FGD4: variants seen among roughly 807,000 people sequenced by gnomAD.
The protein encoded by FGD4 is FYVE, RhoGEF and PH domain-containing protein 4.
In FGD4, 42 loss-of-function variants were observed where a neutral mutation model predicts 102.0. The observed-to-expected ratio is 0.41, with a 90% confidence interval of 0.32 to 0.53. The LOEUF (loss-of-function observed/expected upper bound fraction) is 0.53, where lower values mean the gene tolerates loss of function less well. FGD4 is among the 20% of genes least tolerant of loss of function. FGD4 has a pLI of 0.21. For synonymous variants in FGD4, 380 were observed against 375.7 expected (o/e 1.01, Z -0.13); for missense variants, 902 against 1,078.2 (o/e 0.84, Z 2.29).
chr12:32,564,154 A>G lies in FGD4; in HGVS notation c.184A>G (p.Lys62Glu). The G allele has an allele frequency of 6.5e-7, 1 of 1,536,058 alleles. No homozygotes were observed. The highest frequency in any genetic ancestry group is 8.7e-7 in the Non-Finnish European group (1 of 1,146,860). The change falls in exon 2 of 17, where the codon AAG (lysine) becomes GAG (glutamate). Residue 62 changes from lysine to glutamate, a missense_variant. Around this residue, in one of 2 missense-constraint regions of FGD4, gnomAD observed 443 missense variants for 459.2 expected, o/e 0.96. Coordinates refer to ENST00000534526, the MANE Select transcript of FGD4 (RefSeq NM_001370298.3). ...SGATGSSTCP[K>E]IALVPPCSTS... ...TCTTGCAGGCAGCAGTACCTGTCCA[A>G]AGATCGCTTTAGTTCCACCTTGCTC...
In FGD4 at chr12:32,453,206, A is replaced by ATATATTT. The variant is rs1365632978; in HGVS notation, c.166+53252_166+53253insTTTATAT. On this transcript the variant is annotated intron_variant, in intron 1 of 16. Coordinates refer to ENST00000534526, the MANE Select transcript of FGD4 (RefSeq NM_001370298.3). ...TATATATTTTATATATATATTATAT[A>ATATATTT]TATATATATATATAATATAGATATA... is the stretch of plus-strand genomic sequence containing the variant. 4.4e-4 allele frequency among the ~76,000 whole-genome samples: 22 copies of ATATATTT among 50,568 alleles called. No individual in the cohort carries two copies. The South Asian group carries it at 0.013, about 30-fold the overall frequency. The allele number at this position is 50,568 out of a possible 152,430, so 33.2% of individuals were successfully genotyped here. A position where few individuals can be genotyped will look rare whatever the true frequency, so the allele number is the denominator to read the frequency against.
At chr12:32,422,287 G>GCTTTTTTTTTTTTTTTTTTTTTT (rs1941661303) in intron 1 of FGD4, among the ~76,000 whole-genome samples, 1 of 91,678 alleles carries the variant, frequency 1.1e-5, no homozygotes, top group Non-Finnish European at 2.3e-5. Flanking sequence ...ATTGGGAGCT[G>GCTTTTTTTTTTTTTTTTTTTTTT]CTTTTTTTTT....
At chr12:32,517,244 G>A (rs1005987270) in intron 1 of FGD4, among the ~76,000 whole-genome samples, 1 of 152,104 alleles carries the variant, frequency 6.6e-6, no homozygotes, top group African/African-American at 2.4e-5. Context: ...TTGCCCAGGC[G>A]TCACAGGTGG....
rs1164417263 is a variant in FGD4 at position 32,456,427 on chromosome 12, A to G, written c.166+56468A>G. 3.3e-5 allele frequency among the ~76,000 whole-genome samples: 5 copies of G among 152,214 alleles called. No individual in the cohort carries two copies. In the South Asian group the frequency reaches 8.3e-4, roughly 25 times the overall value. ...TTTTCATAGCACCTGAGTAATTTCT[A>G]TTTAGTGGCTCACATGAGACTACTG... On this transcript the variant is annotated intron_variant, in intron 1 of 16. Transcript: ENST00000534526.
chr12:32,455,046 C>G (rs751508829), intron 1 of FGD4, among the ~76,000 whole-genome samples: 8 of 152,136 alleles, frequency 5.3e-5, no homozygotes, highest in Non-Finnish European at 5.9e-5. Flanking sequence ...TTGAGACTTG[C>G]AACTTGCCAG....
chr12:32,601,018 C>G (rs1206342334), intron 5 of FGD4, among the ~76,000 whole-genome samples: 1 of 152,158 alleles, frequency 6.6e-6, no homozygotes, highest in African/African-American at 2.4e-5. Context: ...TTTTCTGGCA[C>G]AGAAAAGGTG....
intron 1 of FGD4, among the ~76,000 whole-genome samples, chr12:32,485,473 C>T (rs1306987736): frequency 2.8e-5 from 4 of 143,710 alleles, no homozygotes; most frequent in Non-Finnish European, 6.0e-5. Flanking sequence ...CAGAGACTCG[C>T]CCTGTTGCCC....
chr12:32,600,586 TTCTTTC>T (rs1389729343), intron 5 of FGD4: 11 of 376,342 alleles, frequency 2.9e-5, no homozygotes, highest in Non-Finnish European at 3.0e-5. Flanking sequence ...CTTTCTTTCT[TTCTTTC>T]TTTTTTTTTT....
chr12:32,481,253 ATGGTGAAACCCCGTCTC>A (rs1244583575), intron 1 of FGD4, among the ~76,000 whole-genome samples: 1 of 151,416 alleles, frequency 6.6e-6, no homozygotes, highest in Admixed American at 6.6e-5. Flanking sequence ...CCTGGTTAAC[ATGGTGAAACCCCGTCTC>A]TAGTAAAAAT....
chr12:32,461,083 T>C (rs1481697041), intron 1 of FGD4, among the ~76,000 whole-genome samples: 1 of 152,244 alleles, frequency 6.6e-6, no homozygotes, highest in Non-Finnish European at 1.5e-5. Flanking sequence ...GCTGGTTGTA[T>C]CTGTGGTCCA....
At chr12:32,446,537 G>A (rs1303846429) in intron 1 of FGD4, among the ~76,000 whole-genome samples, 4 of 152,056 alleles carry the variant, frequency 2.6e-5, no homozygotes, top group Non-Finnish European at 5.9e-5. Flanking sequence ...CCTTTCCTCC[G>A]GGTATAGGAA....
intron 1 of FGD4, among the ~76,000 whole-genome samples, chr12:32,557,941 T>C (rs1944251340): frequency 6.6e-6 from 1 of 152,158 alleles, no homozygotes; most frequent in African/African-American, 2.4e-5. Context: ...TGTTTTACAG[T>C]AGAGAAACCT....
chr12:32,511,514 G>A (rs1939368749), intron 1 of FGD4, among the ~76,000 whole-genome samples: 1 of 152,034 alleles, frequency 6.6e-6, no homozygotes. Flanking sequence ...GTGTTAGCCA[G>A]GATGGTCTTG....
intron 1 of FGD4, among the ~76,000 whole-genome samples, chr12:32,441,307 C>G (rs1156920511): frequency 2.6e-5 from 4 of 152,074 alleles, no homozygotes; most frequent in Non-Finnish European, 5.9e-5. Context: ...CAGTGTAGTA[C>G]CTGGGTATCT....
chr12:32,637,622 T>TAAATAAATAAATAAATA (rs377501385), intron 15 of FGD4: 1 of 144,876 alleles, frequency 6.9e-6, no homozygotes, highest in Non-Finnish European at 1.5e-5. Context: ...AATAAATAAA[T>TAAATAAATAAATAAATA]AATAAATAAG....
intron 1 of FGD4, among the ~76,000 whole-genome samples, chr12:32,516,741 G>A (rs141640991): frequency 1.2e-4 from 18 of 152,218 alleles, no homozygotes; most frequent in African/African-American, 3.9e-4. Context: ...AAATCCCAGG[G>A]TAGTTATTAG....
At chr12:32,535,040 G>A (rs1379699929) in intron 1 of FGD4, among the ~76,000 whole-genome samples, 2 of 152,176 alleles carry the variant, frequency 1.3e-5, no homozygotes, top group South Asian at 2.1e-4. Context: ...AAAATTGTTA[G>A]TGGTAGTAGT....
chr12:32,637,046 TTC>T (rs1950872480), intron 15 of FGD4, among the ~76,000 whole-genome samples: 1 of 96,774 alleles, frequency 1.0e-5, no homozygotes, highest in Non-Finnish European at 2.0e-5. Flanking sequence ...AATTTTTTTC[TTC>T]TTTTTTTTTT....
At chr12:32,449,468 T>C (rs1217191962) in intron 1 of FGD4, among the ~76,000 whole-genome samples, 1 of 152,222 alleles carries the variant, frequency 6.6e-6, no homozygotes, top group Non-Finnish European at 1.5e-5. Context: ...GCCAAATGTT[T>C]TGTAGAATGT....
Sources: gnomAD v4.1 joint callset for allele counts (sites outside exome capture counted in the v4.1 genomes callset) on GRCh38, gnomAD v4.1.1 for gene constraint, gnomAD v4.1.1 regional missense constraint, MANE v1.5 for transcripts, NCBI Gene and HGNC (gene_info 2026-07-23, HGNC 2026-07-21) for gene names.